RCOR1: variants seen among roughly 807,000 people sequenced by gnomAD.
RCOR1 encodes the protein REST corepressor 1, also known as REST corepressor.
A neutral mutation model predicts 64.0 loss-of-function variants in RCOR1; 12 were observed. That is an observed-to-expected ratio of 0.19 (90% CI 0.12 to 0.30). The LOEUF is 0.30. RCOR1 is among the 10% of genes least tolerant of loss of function. The probability of loss-of-function intolerance (pLI) is 1.00; values close to 1 mark genes in which losing one functional copy is unlikely to be tolerated. For synonymous variants in RCOR1, 279 were observed against 227.2 expected (o/e 1.23, Z -2.05); for missense variants, 502 against 621.2 (o/e 0.81, Z 2.04).
At position 102,668,638 on chromosome 14, in the gene RCOR1, GGGGGC is replaced by G. The variant is rs1209263688; in HGVS notation, c.362-13249_362-13245del. Among the ~76,000 whole-genome samples the G allele has an allele frequency of 3.9e-5, 6 of 152,002 alleles. No individual in the cohort carries two copies. The East Asian group carries it at 9.6e-4, about 24-fold the overall frequency. On this transcript the variant is annotated intron_variant, in intron 2 of 11. Transcript: ENST00000262241. ...TTACAGTCCCTCTCCTTTTTTGCAG[GGGGGC>G]GGGGCGGTGCTAGTGGGAGTATACA...
At chr14:102,710,401 A>G (rs997699641) in intron 6 of RCOR1, among the ~76,000 whole-genome samples, 3 of 152,230 alleles carry the variant, frequency 2.0e-5, no homozygotes, top group Non-Finnish European at 4.4e-5. Context: ...TTTTCTTTTT[A>G]AAATTAAACA....
chr14:102,684,879 G>A (rs777119072), intron 3 of RCOR1, among the ~76,000 whole-genome samples: 1 of 152,158 alleles, frequency 6.6e-6, no homozygotes, highest in South Asian at 2.1e-4. Context: ...TTATTACATG[G>A]ATATGTCAGT....
chr14:102,662,768 G>T, intron 2 of RCOR1: 1 of 248,798 alleles, frequency 4.0e-6, no homozygotes, highest in Non-Finnish European at 8.1e-6. Context: ...GATTGTACCA[G>T]ATTATAAGAT....
Position 102,726,580 on chromosome 14 carries a change from T to A in RCOR1, c.*74T>A. On this transcript the variant is annotated 3_prime_UTR_variant, in exon 12 of 12. Transcript: ENST00000262241. ...ATATCAGGTATTATGAGACATCACC[T>A]AGCCATCTGCATCACATCTCTCTGG... 1 of 1,241,222 alleles carries A rather than the reference T, an allele frequency of 8.1e-7. No individual in the cohort carries two copies. Among genetic ancestry groups the A allele is most frequent in the Non-Finnish European group, 1.2e-6 (1 of 865,292 alleles). The allele number at this position is 1,241,222 out of a possible 1,614,324, so 76.9% of individuals were successfully genotyped here. A position where few individuals can be genotyped will look rare whatever the true frequency, so the allele number is the denominator to read the frequency against.
Position 102,729,145 on chromosome 14 carries a change from T to A in RCOR1, c.*2639T>A, listed in dbSNP as rs1034457376. On this transcript the variant is annotated 3_prime_UTR_variant, in exon 12 of 12. Coordinates refer to ENST00000262241, the MANE Select transcript of RCOR1 (RefSeq NM_015156.4). ...AAAATTTTCTCCTAAGTATAAGTTATTGTGCAAAATATAGTGTCATTGATG... is the reference window on the plus strand; with the variant it reads ...AAAATTTTCTCCTAAGTATAAGTTAATGTGCAAAATATAGTGTCATTGATG... 1 of 152,668 alleles carries A rather than the reference T, an allele frequency of 6.6e-6. No homozygotes were observed. Among genetic ancestry groups the A allele is most frequent in the Admixed American group, 6.5e-5 (1 of 15,286 alleles). The allele number at this position is 152,668 out of a possible 1,614,324, so 9.5% of individuals were successfully genotyped here. A position where few individuals can be genotyped will look rare whatever the true frequency, so the allele number is the denominator to read the frequency against.
chr14:102,675,481 T>C (rs1895126660), intron 2 of RCOR1, among the ~76,000 whole-genome samples: 1 of 152,148 alleles, frequency 6.6e-6, no homozygotes. Flanking sequence ...GTAAGTAAAA[T>C]ACAGGGGACT....
At chr14:102,640,136 C>T (rs1320138964) in intron 2 of RCOR1, among the ~76,000 whole-genome samples, 2 of 152,188 alleles carry the variant, frequency 1.3e-5, no homozygotes, top group Non-Finnish European at 2.9e-5. Flanking sequence ...TGAGCCGCCA[C>T]ACCCAGCCAT....
At position 102,653,327 on chromosome 14, in the gene RCOR1, T is replaced by C. The variant is rs551421061; in HGVS notation, c.362-28568T>C. Reference sequence around the variant, plus strand: ...TCCGCCTCCTGGGCTCAATCGATCCTCCCACCTCAGCCTCCTGAGTAGCTG... The same window carrying C: ...TCCGCCTCCTGGGCTCAATCGATCCCCCCACCTCAGCCTCCTGAGTAGCTG... On this transcript the variant is annotated intron_variant, in intron 2 of 11. Coordinates refer to ENST00000262241, the MANE Select transcript of RCOR1 (RefSeq NM_015156.4). Among the ~76,000 whole-genome samples the C allele has an allele frequency of 7.2e-5, 11 of 152,220 alleles. No individual in the cohort carries two copies. The East Asian group carries it at 2.1e-3, about 29-fold the overall frequency.
intron 2 of RCOR1, among the ~76,000 whole-genome samples, chr14:102,609,335 G>T (rs979807165): frequency 5.3e-5 from 8 of 151,712 alleles, no homozygotes; most frequent in African/African-American, 1.9e-4. Flanking sequence ...GAGCCACTGT[G>T]CCTGGTCTGT....
intron 2 of RCOR1, among the ~76,000 whole-genome samples, chr14:102,667,358 G>A (rs1010810578): frequency 6.6e-6 from 1 of 151,936 alleles, no homozygotes. Flanking sequence ...AAAACTAGCC[G>A]GGCGTGGTGG....
At chr14:102,606,101 T>G (rs1351589935) in intron 2 of RCOR1, among the ~76,000 whole-genome samples, 1 of 152,038 alleles carries the variant, frequency 6.6e-6, no homozygotes, top group Non-Finnish European at 1.5e-5. Context: ...AATTTTTGTA[T>G]TTTTAGTAGA....
At chr14:102,648,322 G>A (rs1434741865) in intron 2 of RCOR1, among the ~76,000 whole-genome samples, 1 of 152,204 alleles carries the variant, frequency 6.6e-6, no homozygotes, top group Non-Finnish European at 1.5e-5. Flanking sequence ...CAGGTGATCT[G>A]CCTGCCTTGG....
At chr14:102,675,704 G>C (rs1410849793) in intron 2 of RCOR1, among the ~76,000 whole-genome samples, 1 of 152,198 alleles carries the variant, frequency 6.6e-6, no homozygotes, top group African/African-American at 2.4e-5. Flanking sequence ...GGCACCACTG[G>C]AGTTTCATAT....
intron 2 of RCOR1, among the ~76,000 whole-genome samples, chr14:102,602,371 AT>A (rs1360418032): frequency 7.6e-6 from 1 of 132,166 alleles, no homozygotes; most frequent in East Asian, 2.2e-4. Context: ...TTATATTAGC[AT>A]TTTTTTCTTT....
chr14:102,592,907 G>T lies in RCOR1; in HGVS notation c.21G>T (p.Lys7Asn). Residue 7 changes from lysine to asparagine, a missense_variant, in exon 1 of 12, where the codon AAG (lysine) becomes AAT (asparagine). Coordinates refer to ENST00000262241, the MANE Select transcript of RCOR1 (RefSeq NM_015156.4). ...CGCCGATGCCGGCCATGGTGGAGAAGGGCCCCGAGGTCTCAGGGAAGCGGA... is the reference window on the plus strand; with the variant it reads ...CGCCGATGCCGGCCATGGTGGAGAATGGCCCCGAGGTCTCAGGGAAGCGGA... MPAMVEKGPEVSGKRRG... is the reference protein window; with the variant it reads MPAMVENGPEVSGKRRG... The T allele has an allele frequency of 8.1e-7, 1 of 1,236,780 alleles. No homozygotes were observed. Among genetic ancestry groups the T allele is most frequent in the Non-Finnish European group, 1.0e-6 (1 of 984,594 alleles). The allele number at this position is 1,236,780 out of a possible 1,614,324, so 76.6% of individuals were successfully genotyped here.
At chr14:102,688,600 G>A (rs1895469050) in intron 3 of RCOR1, among the ~76,000 whole-genome samples, 1 of 152,156 alleles carries the variant, frequency 6.6e-6, no homozygotes, top group Non-Finnish European at 1.5e-5. Context: ...GGAAATTCAG[G>A]AAGTCAAGTC....
At chr14:102,702,630 G>A (rs1232277602) in intron 4 of RCOR1, among the ~76,000 whole-genome samples, 1 of 152,120 alleles carries the variant, frequency 6.6e-6, no homozygotes, top group Non-Finnish European at 1.5e-5. Context: ...GTGACCAGAG[G>A]CAGGGAAAGG....
At position 102,662,299 on chromosome 14, in the gene RCOR1, C is replaced by T. The variant is rs1445442500; in HGVS notation, c.362-19596C>T. 6 of 550,518 alleles carry T rather than the reference C, an allele frequency of 1.1e-5. No homozygotes were observed. The East Asian group carries it at 1.9e-4, about 17-fold the overall frequency. 34.1% of individuals were successfully genotyped at this position (550,518 alleles called of 1,614,324 possible). ...GCATCATAATCAGGAGCTAGTTGAA[C>T]GTATGCCTCCTTCTCTCCATCAGGC... On this transcript the variant is annotated intron_variant, in intron 2 of 11. Coordinates refer to ENST00000262241, the MANE Select transcript of RCOR1 (RefSeq NM_015156.4).
rs539725029 is a variant in RCOR1, at chr14:102,697,874, C to A, written c.446-3404C>A. On this transcript the variant is annotated intron_variant, in intron 3 of 11. Coordinates refer to ENST00000262241, the MANE Select transcript of RCOR1 (RefSeq NM_015156.4). ...TAGCTGGGATTACAGACACGCACCA[C>A]CGTGCCCAGCTGATTTTTGTATTTT... Among the ~76,000 whole-genome samples, 50 of 152,242 alleles carry A rather than the reference C, an allele frequency of 3.3e-4. 1 individual carries two copies. The South Asian group carries it at 0.01, about 31-fold the overall frequency.
Sources: allele counts gnomAD v4.1 joint callset (sites outside exome capture counted in the v4.1 genomes callset), GRCh38; gene constraint gnomAD v4.1.1; transcripts MANE v1.5; gene names NCBI Gene and HGNC (gene_info 2026-07-23, HGNC 2026-07-21).